Variants in COPG1 observed in about 807,000 individuals in gnomAD.
The protein encoded by COPG1 is coat protein complex I subunit gamma 1, also known as coatomer subunit gamma-1.
In COPG1, 29 loss-of-function variants were observed where a neutral mutation model predicts 102.8. That is an observed-to-expected ratio of 0.28 (90% CI 0.21 to 0.38). The LOEUF is 0.38. COPG1 is among the 10% of genes least tolerant of loss of function. COPG1 has a pLI of 1.00. For missense variants in COPG1, 875 were observed against 1,132.7 expected (o/e 0.77, Z 3.27); for synonymous variants, 406 against 421.6 (o/e 0.96, Z 0.45).
chr3:129,258,452 T>C (rs1025601354), intron 10 of COPG1, among the ~76,000 whole-genome samples: 2 of 152,212 alleles, frequency 1.3e-5, no homozygotes, highest in African/African-American at 4.8e-5. Flanking sequence ...GTTTGCCGTT[T>C]GCTGTTTTTT....
At chr3:129,270,294 T>C (rs1419859807) in intron 18 of COPG1, among the ~76,000 whole-genome samples, 4 of 152,048 alleles carry the variant, frequency 2.6e-5, no homozygotes, top group African/African-American at 9.7e-5. Context: ...AGGGTAACAA[T>C]TCCATTTTTA....
intron 12 of COPG1, 121 bp from the exon 13 acceptor site, chr3:129,263,783 G>T: frequency 1.3e-6 from 1 of 786,614 alleles, no homozygotes; most frequent in Non-Finnish European, 2.2e-6. Context: ...TGGTCTCCTT[G>T]CCCTTGTGTC....
intron 5 of COPG1, 105 bp from the exon 6 acceptor site, chr3:129,254,563 G>A: frequency 1.3e-6 from 1 of 747,950 alleles, no homozygotes; most frequent in Non-Finnish European, 2.3e-6. Context: ...GAGAGCACTG[G>A]TTAGGAGGCT....
intron 13 of COPG1, among the ~76,000 whole-genome samples, chr3:129,265,010 A>G (rs7428883): frequency 0.82 from 124,575 of 151,706 alleles, 51,457 homozygotes; most frequent in African/African-American, 0.9. Flanking sequence ...TAGTAGAGAC[A>G]GGGTTTTACC....
At chr3:129,260,266 A>T (rs1576963789) in intron 10 of COPG1, 67 bp from the exon 11 acceptor site, 1 of 1,423,968 alleles carries the variant, frequency 7.0e-7, no homozygotes, top group East Asian at 2.3e-5. Context: ...TCAGAACAGT[A>T]GCCCCCGGTT....
At chr3:129,255,694 G>A (rs2107673702) in intron 7 of COPG1, among the ~76,000 whole-genome samples, 1 of 148,848 alleles carries the variant, frequency 6.7e-6, no homozygotes, top group Middle Eastern at 3.9e-3. Flanking sequence ...TGTTGGTCAG[G>A]CTGGTCTTGA....
chr3:129,263,291 G>A (rs1939979570), intron 12 of COPG1, among the ~76,000 whole-genome samples: 1 of 152,104 alleles, frequency 6.6e-6, no homozygotes, highest in Non-Finnish European at 1.5e-5. Context: ...ATGGGGTATT[G>A]GATGAGGGAG....
At chr3:129,250,803 C>T in intron 2 of COPG1, 69 bp downstream of exon 2, 1 of 1,355,244 alleles carries the variant, frequency 7.4e-7, no homozygotes, top group Admixed American at 1.7e-5. Flanking sequence ...GAAATACCAA[C>T]ACATTCAAAG....
At chr3:129,250,842 A>G (rs1939678756) in intron 2 of COPG1, 108 bp downstream of exon 2, 1 of 1,046,086 alleles carries the variant, frequency 9.6e-7, no homozygotes, top group Non-Finnish European at 1.5e-6. Context: ...CACGGGAGAA[A>G]ACTTGTGCCT....
At chr3:129,260,255 G>A in intron 10 of COPG1, 78 bp from the exon 11 acceptor site, 1 of 1,341,536 alleles carries the variant, frequency 7.5e-7, no homozygotes. Context: ...GAGGGTTTGA[G>A]TCAGAACAGT....
At chr3:129,261,286 C>T (rs192736661) in intron 12 of COPG1, among the ~76,000 whole-genome samples, 36 of 152,208 alleles carry the variant, frequency 2.4e-4, no homozygotes, top group African/African-American at 8.4e-4. Flanking sequence ...AGGAAGAGCA[C>T]AGTCTGGGAA....
At chr3:129,251,637 C>T (rs766188015) in intron 2 of COPG1, among the ~76,000 whole-genome samples, 18 of 151,642 alleles carry the variant, frequency 1.2e-4, no homozygotes, top group Non-Finnish European at 1.8e-4. Context: ...CCTCCCGCCT[C>T]GGCCTCCCAA....
chr3:129,263,889 G>A lies in COPG1; in HGVS notation c.1129-15G>A, dbSNP rs761235879. The A allele has an allele frequency of 3.2e-5, 51 of 1,611,648 alleles. No individual in the cohort carries two copies. The highest frequency in any genetic ancestry group is 8.0e-5 in the African/African-American group (6 of 74,896). ...GTGGCAGGGCCTGCTGCTCATGCAC[G>A]TCTATTTCATTTAGGTGGTGGTTGT... On this transcript the variant is annotated splice_polypyrimidine_tract_variant and intron_variant, in intron 12 of 23. Transcript: ENST00000314797.
chr3:129,277,358 A>G lies in COPG1; in HGVS notation c.2559A>G (p.Thr853=), dbSNP rs1940297161. 1.9e-6 allele frequency: 3 copies of G among 1,613,876 alleles called. No individual in the cohort carries two copies. The highest frequency in any genetic ancestry group is 2.5e-6 in the Non-Finnish European group (3 of 1,179,988). Residue 853 remains threonine, a synonymous_variant, in exon 24 of 24, where the codon ACA becomes ACG. Transcript: ENST00000314797. ...GGCTGCTGCTTTTGGACACAGTGAC[A>G]ATGCAGGTGACAGCCAGAAGTTTGG... is the stretch of plus-strand genomic sequence containing the variant. ...RSRLLLLDTV[T]MQVTARSLEE... is the part of the protein sequence containing the mutation.
At chr3:129,269,085 C>A (rs1254351357) in intron 18 of COPG1, 85 bp downstream of exon 18, 5 of 1,194,130 alleles carry the variant, frequency 4.2e-6, no homozygotes, top group Admixed American at 3.4e-5. Flanking sequence ...ATATATTGGT[C>A]TCTCCTGAGT....
In COPG1 at chr3:129,256,508, GA is replaced by G. The variant is rs142482830; in HGVS notation, c.579+356del. Among the ~76,000 whole-genome samples, 5 of 152,370 alleles carry G rather than the reference GA, an allele frequency of 3.3e-5. No individual in the cohort carries two copies. The East Asian group carries it at 9.6e-4, about 29-fold the overall frequency. The stretch of plus-strand genomic sequence containing the variant: ...CAGCCTGGCTTTGTTATGATGTGTG[GA>G]ATTATCTTGATGAGGCTTTCATCCA... On this transcript the variant is annotated intron_variant, in intron 8 of 23. Coordinates refer to ENST00000314797, the MANE Select transcript of COPG1 (RefSeq NM_016128.4).
At chr3:129,266,584 A>C (rs576723324) in intron 14 of COPG1, among the ~76,000 whole-genome samples, 35 of 152,236 alleles carry the variant, frequency 2.3e-4, no homozygotes, top group Middle Eastern at 3.4e-3. Flanking sequence ...ATTTCTTTTC[A>C]TGCCCCCACT....
At chr3:129,259,873 G>A (rs193127232) in intron 10 of COPG1, among the ~76,000 whole-genome samples, 1 of 152,326 alleles carries the variant, frequency 6.6e-6, no homozygotes, top group Non-Finnish European at 1.5e-5. Context: ...AGACACAGTA[G>A]GAGAGAGGAG....
In COPG1 at chr3:129,249,920, C is replaced by G. The variant is rs1243593271; in HGVS notation, c.37+174C>G. 1.1e-4 allele frequency among the ~76,000 whole-genome samples: 16 copies of G among 152,084 alleles called. 1 individual carries two copies. Among genetic ancestry groups the G allele is most frequent in the Admixed American group, 1.0e-3 (16 of 15,276 alleles). On this transcript the variant is annotated intron_variant, in intron 1 of 23. Coordinates refer to ENST00000314797, the MANE Select transcript of COPG1 (RefSeq NM_016128.4). ...AGAGCCCGAGCATGCGCGGCTGTCT[C>G]ACTCTTGTAAGCTCGGACTGCAATT...
Sources: gnomAD v4.1 joint callset for allele counts (sites outside exome capture counted in the v4.1 genomes callset) on GRCh38, gnomAD v4.1.1 for gene constraint, MANE v1.5 for transcripts, NCBI Gene and HGNC (gene_info 2026-07-23, HGNC 2026-07-21) for gene names.